The following STAT3 variants were observed in gnomAD, a reference collection of about 807,000 sequenced individuals.
The protein encoded by STAT3 is signal transducer and activator of transcription 3.
Under a neutral mutation model 114.3 loss-of-function variants are expected in STAT3, and 7 were observed. That is an observed-to-expected ratio of 0.06 (90% CI 0.03 to 0.11). The LOEUF (loss-of-function observed/expected upper bound fraction) is 0.11, where lower values mean the gene tolerates loss of function less well. Ranked by LOEUF, STAT3 falls within the 10% of genes least tolerant of loss-of-function variation. The pLI, the probability that STAT3 is intolerant of heterozygous loss-of-function variation, is 1.00. For missense variants in STAT3, 364 were observed against 960.9 expected (o/e 0.38, Z 8.21); for synonymous variants, 331 against 354.5 (o/e 0.93, Z 0.74).
At chr17:42,380,879 C>T (rs2084753397) in intron 1 of STAT3, among the ~76,000 whole-genome samples, 5 of 152,152 alleles carry the variant, frequency 3.3e-5, no homozygotes. Context: ...CACCGCTGCA[C>T]TCCAGCCTAG....
intron 1 of STAT3, among the ~76,000 whole-genome samples, chr17:42,384,300 T>G (rs1177644564): frequency 1.3e-5 from 2 of 151,798 alleles, no homozygotes; most frequent in Non-Finnish European, 2.9e-5. Context: ...GGCTACTTTT[T>G]TTTGTATTTT....
Position 42,356,143 on chromosome 17 carries a change from AG to A in STAT3, c.-23-7605del, listed in dbSNP as rs2083214135. Among the ~76,000 whole-genome samples, 7 of 152,352 alleles carry A rather than the reference AG, an allele frequency of 4.6e-5. No homozygotes were observed. In the South Asian group the frequency reaches 1.4e-3, roughly 32 times the overall value. On this transcript the variant is annotated intron_variant, in intron 1 of 23. Coordinates refer to ENST00000264657, the MANE Select transcript of STAT3 (RefSeq NM_139276.3). ...AGGCAACCAAAGTATAAAGAAACAC[AG>A]AAGATTTCTTGCACTGAATTCTATA...
At chr17:42,380,302 C>T (rs2084708249) in intron 1 of STAT3, among the ~76,000 whole-genome samples, 1 of 151,572 alleles carries the variant, frequency 6.6e-6, no homozygotes, top group African/African-American at 2.4e-5. Flanking sequence ...GAATTACAGG[C>T]GTGAGCCACC....
intron 4 of STAT3, among the ~76,000 whole-genome samples, chr17:42,343,702 C>T (rs1360123353): frequency 6.6e-6 from 1 of 152,104 alleles, no homozygotes; most frequent in African/African-American, 2.4e-5. Flanking sequence ...ATCTGCCCAC[C>T]TTGGCCTCCC....
At chr17:42,356,846 G>A (rs1005937347) in intron 1 of STAT3, among the ~76,000 whole-genome samples, 2 of 152,048 alleles carry the variant, frequency 1.3e-5, no homozygotes, top group African/African-American at 4.8e-5. Context: ...AGAGTGCAGT[G>A]GCACCATCTC....
rs528760721 is a variant in STAT3, at chr17:42,325,194, G to A, written c.1366-133C>T. ...ACCACACCTGCTGCCAACTCTAGGCGAGGAGTGTGAGTGAGTCAGCTCAGT... is the reference window on the plus strand; with the variant it reads ...ACCACACCTGCTGCCAACTCTAGGCAAGGAGTGTGAGTGAGTCAGCTCAGT... On this transcript the variant is annotated intron_variant, in intron 15 of 23. Coordinates refer to ENST00000264657, the MANE Select transcript of STAT3 (RefSeq NM_139276.3). 1.1e-4 allele frequency: 90 copies of A among 800,278 alleles called. No individual in the cohort carries two copies. The South Asian group carries it at 1.3e-3, about 12-fold the overall frequency. 49.6% of individuals were successfully genotyped at this position (800,278 alleles called of 1,614,324 possible).
At chr17:42,317,403 C>A in intron 21 of STAT3, 179 bp from the exon 22 acceptor site, 1 of 697,580 alleles carries the variant, frequency 1.4e-6, no homozygotes, top group Admixed American at 2.2e-5. Flanking sequence ...ACTATTTGAT[C>A]TCCCAGGCAC....
intron 1 of STAT3, among the ~76,000 whole-genome samples, chr17:42,364,759 A>G (rs1427591579): frequency 2.0e-5 from 3 of 152,222 alleles, no homozygotes; most frequent in African/African-American, 7.2e-5. Flanking sequence ...TTGGGGTTAC[A>G]GGCGTGAGCC....
chr17:42,388,432 T>C lies in STAT3; in HGVS notation c.-177A>G. ...CAGGATCCGGTTGGGGCTTGTTCCC[T>C]CGGCTGCGACGTCGGAACCCCCGGC... is the stretch of plus-strand genomic sequence containing the variant. On this transcript the variant is annotated 5_prime_UTR_variant, in exon 1 of 24. Transcript: ENST00000264657. 1 of 1,231,780 alleles carries C rather than the reference T, an allele frequency of 8.1e-7. No individual in the cohort carries two copies. Among genetic ancestry groups the C allele is most frequent in the Non-Finnish European group, 1.0e-6 (1 of 988,042 alleles). 76.3% of individuals were successfully genotyped at this position (1,231,780 alleles called of 1,614,324 possible). A position where few individuals can be genotyped will look rare whatever the true frequency, so the allele number is the denominator to read the frequency against.
At chr17:42,338,891 G>A (rs1463601205) in intron 5 of STAT3, 79 bp from the exon 6 acceptor site, 2 of 1,307,752 alleles carry the variant, frequency 1.5e-6, no homozygotes, top group Non-Finnish European at 2.2e-6. Context: ...TTTCTGAGGA[G>A]AATTCAAATG....
At position 42,388,285 on chromosome 17, in the gene STAT3, C is replaced by A; in HGVS notation, c.-30G>T. On this transcript the variant is annotated 5_prime_UTR_variant, in exon 1 of 24. Coordinates refer to ENST00000264657, the MANE Select transcript of STAT3 (RefSeq NM_139276.3). ...CACCCTGCACCCCCTTCACCTGTTT[C>A]TCCGGCAGAGGCCGAGAGGCCGGGG... 2 of 1,231,748 alleles carry A rather than the reference C, an allele frequency of 1.6e-6. No individual in the cohort carries two copies. The highest frequency in any genetic ancestry group is 2.0e-6 in the Non-Finnish European group (2 of 987,982). The allele number at this position is 1,231,748 out of a possible 1,614,324, so 76.3% of individuals were successfully genotyped here. A position where few individuals can be genotyped will look rare whatever the true frequency, so the allele number is the denominator to read the frequency against.
At chr17:42,373,089 C>T (rs765570807) in intron 1 of STAT3, among the ~76,000 whole-genome samples, 3 of 152,278 alleles carry the variant, frequency 2.0e-5, no homozygotes, top group African/African-American at 4.8e-5. Flanking sequence ...CAGTGGCTCA[C>T]GCCTGTAATC....
intron 1 of STAT3, among the ~76,000 whole-genome samples, chr17:42,353,358 A>G (rs1232716087): frequency 8.8e-5 from 13 of 147,250 alleles, no homozygotes; most frequent in East Asian, 4.0e-4. Flanking sequence ...AAAAAAAAAA[A>G]AAAGAAAGAA....
intron 23 of STAT3, chr17:42,316,070 T>C: frequency 7.2e-7 from 1 of 1,389,882 alleles, no homozygotes; most frequent in South Asian, 1.6e-5. Context: ...TCTTCTGCCC[T>C]TGATCTACTG....
chr17:42,370,006 C>T (rs1193713665), intron 1 of STAT3, among the ~76,000 whole-genome samples: 1 of 152,112 alleles, frequency 6.6e-6, no homozygotes, highest in African/African-American at 2.4e-5. Context: ...GAGTCTTGCT[C>T]TGTCGCCCAG....
chr17:42,362,530 T>TA lies in STAT3; in HGVS notation c.-23-13992dup, dbSNP rs1169715859. On this transcript the variant is annotated intron_variant, in intron 1 of 23. Transcript: ENST00000264657. Reference sequence around the variant, plus strand: ...CCTGATGACTGCTCTGTTCTTAGGCTAAAAAACAAGATTTGTTATCTTAAG... The same window carrying TA: ...CCTGATGACTGCTCTGTTCTTAGGCTAAAAAAACAAGATTTGTTATCTTAAG... Among the ~76,000 whole-genome samples the TA allele has an allele frequency of 3.9e-5, 6 of 152,206 alleles. No homozygotes were observed. In the East Asian group the frequency reaches 1.2e-3, roughly 29 times the overall value.
At chr17:42,373,551 A>C in intron 1 of STAT3, among the ~76,000 whole-genome samples, 1 of 152,044 alleles carries the variant, frequency 6.6e-6, no homozygotes, top group East Asian at 1.9e-4. Context: ...ACTCTGCCTC[A>C]AAAATAAAAT....
rs2085230434 is a variant in STAT3, at chr17:42,388,358, G to C, written c.-103C>G. 1.6e-6 allele frequency: 2 copies of C among 1,231,784 alleles called. No individual in the cohort carries two copies. Among genetic ancestry groups the C allele is most frequent in the Admixed American group, 8.4e-5 (2 of 23,724 alleles). 76.3% of individuals were successfully genotyped at this position (1,231,784 alleles called of 1,614,324 possible). A position where few individuals can be genotyped will look rare whatever the true frequency, so the allele number is the denominator to read the frequency against. On this transcript the variant is annotated 5_prime_UTR_variant, in exon 1 of 24. Transcript: ENST00000264657. ...CGGCGAGGCTCCCTCAGGCCGAAGG[G>C]CCTCTCCGAGCCGAGGGGGAGAGAC... is the stretch of plus-strand genomic sequence containing the variant.
At chr17:42,327,100 G>T (rs1048071324) in intron 14 of STAT3, among the ~76,000 whole-genome samples, 2 of 152,062 alleles carry the variant, frequency 1.3e-5, no homozygotes. Flanking sequence ...TGTAAAATAC[G>T]TAAGGCACAA....
Sources: allele counts gnomAD v4.1 joint callset (sites outside exome capture counted in the v4.1 genomes callset), GRCh38; gene constraint gnomAD v4.1.1; transcripts MANE v1.5; gene names NCBI Gene and HGNC (gene_info 2026-07-23, HGNC 2026-07-21).